Variants in EPC2 observed in about 807,000 individuals in gnomAD.
EPC2 encodes the protein enhancer of polycomb 2.
A neutral mutation model predicts 92.1 loss-of-function variants in EPC2; 14 were observed. The observed-to-expected ratio is 0.15, with a 90% CI of 0.10 to 0.24. The LOEUF is 0.24. Among genes scored for constraint, EPC2 ranks in the 10% least tolerant of loss-of-function variants. The pLI is 1.00. For missense variants in EPC2, 755 were observed against 971.5 expected, an observed-to-expected ratio of 0.78 and a Z score of 2.96; for synonymous variants, 340 against 334.7, an observed-to-expected ratio of 1.02 and a Z score of -0.17.
chr2:148,657,771 G>A (rs928654741), intron 1 of EPC2, among the ~76,000 whole-genome samples: 1 of 152,116 alleles, frequency 6.6e-6, no homozygotes, highest in Non-Finnish European at 1.5e-5. Context: ...GGATTGGCGT[G>A]TGTGCCCATG....
chr2:148,718,073 G>A (rs141147184), intron 2 of EPC2, among the ~76,000 whole-genome samples: 124 of 152,122 alleles, frequency 8.2e-4, no homozygotes, highest in Non-Finnish European at 1.4e-3. Flanking sequence ...CCCCTGCTTC[G>A]TTCTGTTTCC....
intron 2 of EPC2, among the ~76,000 whole-genome samples, chr2:148,734,367 CT>C (rs375191684): frequency 2.9e-4 from 43 of 148,152 alleles, no homozygotes; most frequent in African/African-American, 5.2e-4. Context: ...GAAATAAGTA[CT>C]TTTTTTTTTG....
At chr2:148,784,403 T>C in intron 12 of EPC2, among the ~76,000 whole-genome samples, 1 of 152,226 alleles carries the variant, frequency 6.6e-6, no homozygotes, top group East Asian at 1.9e-4. Context: ...CTGTTATACT[T>C]AACTCCACAG....
In EPC2 at chr2:148,700,974, T is replaced by A. The variant is rs1681874455; in HGVS notation, c.313+10601T>A. On this transcript the variant is annotated intron_variant, in intron 2 of 13. Transcript: ENST00000258484. The stretch of plus-strand genomic sequence containing the variant: ...ACTTTTGCGATTTTCCTCATATAGA[T>A]CCTCTGCATGTTTTGTTAGATTGAT... Among the ~76,000 whole-genome samples, 4 of 152,190 alleles carry A rather than the reference T, an allele frequency of 2.6e-5. No individual in the cohort carries two copies. The South Asian group carries it at 8.3e-4, about 31-fold the overall frequency.
At chr2:148,700,645 G>C (rs1042112087) in intron 2 of EPC2, among the ~76,000 whole-genome samples, 2 of 150,364 alleles carry the variant, frequency 1.3e-5, no homozygotes, top group South Asian at 2.1e-4. Flanking sequence ...AATAGCTTCA[G>C]AGTAAGTCTT....
At chr2:148,673,902 T>A (rs552459134) in intron 1 of EPC2, among the ~76,000 whole-genome samples, 1 of 152,336 alleles carries the variant, frequency 6.6e-6, no homozygotes, top group African/African-American at 2.4e-5. Context: ...TTTTATTTAC[T>A]TGTCTATCAT....
chr2:148,689,829 A>G (rs1191775620), intron 1 of EPC2, among the ~76,000 whole-genome samples: 5 of 152,238 alleles, frequency 3.3e-5, no homozygotes, highest in African/African-American at 4.8e-5. Flanking sequence ...AATGCAGAAG[A>G]TACTTAAAAT....
intron 4 of EPC2, among the ~76,000 whole-genome samples, chr2:148,759,037 C>T (rs1186814221): frequency 6.6e-6 from 1 of 152,058 alleles, no homozygotes; most frequent in African/African-American, 2.4e-5. Context: ...ACATGACAAC[C>T]AAATGTGGTT....
chr2:148,721,895 T>TTC (rs1682386682), intron 2 of EPC2, among the ~76,000 whole-genome samples: 1 of 144,876 alleles, frequency 6.9e-6, no homozygotes, highest in African/African-American at 2.5e-5. Flanking sequence ...GATTTCTTTT[T>TTC]TTTTTTTTTT....
intron 10 of EPC2, 133 bp from the exon 11 acceptor site, chr2:148,781,511 T>C: frequency 1.2e-6 from 1 of 840,982 alleles, no homozygotes; most frequent in Middle Eastern, 2.4e-4. Context: ...CATTAGATTA[T>C]TTTCTGATAT....
intron 1 of EPC2, among the ~76,000 whole-genome samples, chr2:148,665,644 T>C (rs1002499425): frequency 2.0e-5 from 3 of 152,202 alleles, no homozygotes; most frequent in African/African-American, 7.2e-5. Flanking sequence ...ATTATGATGT[T>C]TAGGATAACA....
chr2:148,670,498 C>G (rs961094169), intron 1 of EPC2, among the ~76,000 whole-genome samples: 1 of 152,102 alleles, frequency 6.6e-6, no homozygotes, highest in Non-Finnish European at 1.5e-5. Flanking sequence ...CAAAAGAAAC[C>G]TCTTACCCGT....
At chr2:148,700,559 A>C (rs1350170753) in intron 2 of EPC2, among the ~76,000 whole-genome samples, 1 of 124,696 alleles carries the variant, frequency 8.0e-6, no homozygotes. Context: ...ATTTGTATGG[A>C]TCTGTATCTG....
At chr2:148,657,544 T>TGC (rs1680827918) in intron 1 of EPC2, among the ~76,000 whole-genome samples, 1 of 152,058 alleles carries the variant, frequency 6.6e-6, no homozygotes, top group Non-Finnish European at 1.5e-5. Context: ...TTTTAAGAAG[T>TGC]TCCCAGGTGA....
chr2:148,663,194 G>GTATTATCAT (rs1680976077), intron 1 of EPC2, among the ~76,000 whole-genome samples: 1 of 136,350 alleles, frequency 7.3e-6, no homozygotes, highest in Non-Finnish European at 1.6e-5. Context: ...CTGTGTTTTT[G>GTATTATCAT]TATTATTATT....
In EPC2 at chr2:148,753,988, T is replaced by C; in HGVS notation, c.521T>C (p.Val174Ala). 1 of 1,612,374 alleles carries C rather than the reference T, an allele frequency of 6.2e-7. No homozygotes were observed. Among genetic ancestry groups the C allele is most frequent in the Non-Finnish European group, 8.5e-7 (1 of 1,179,220 alleles). ...GAAGATGATTACCTTATTAAAGCTG[T>C]ATATGACTACTGGGTGAGAAAACGT... is the stretch of plus-strand genomic sequence containing the variant. Reference protein sequence around the residue: ...LNEDDYLIKAVYDYWVRKRKN... With the variant: ...LNEDDYLIKAAYDYWVRKRKN... Residue 174 changes from valine (V) to alanine (A), a missense_variant, in exon 4 of 14, where the codon GTA (valine) becomes GCA (alanine). By Grantham distance (64) the Val-to-Ala change is moderately conservative (BLOSUM62 0). Transcript: ENST00000258484.
intron 1 of EPC2, among the ~76,000 whole-genome samples, chr2:148,676,287 C>T (rs1022583131): frequency 6.6e-6 from 1 of 150,942 alleles, no homozygotes; most frequent in African/African-American, 2.4e-5. Flanking sequence ...GTCAAAGTAG[C>T]TATAAGAAGT....
At chr2:148,745,480 A>G (rs1437186577) in intron 3 of EPC2, among the ~76,000 whole-genome samples, 1 of 152,146 alleles carries the variant, frequency 6.6e-6, no homozygotes, top group East Asian at 1.9e-4. Flanking sequence ...AATTGGAGAC[A>G]GGATAAACAA....
chr2:148,756,125 G>T (rs1446406658), intron 4 of EPC2, among the ~76,000 whole-genome samples: 2 of 152,164 alleles, frequency 1.3e-5, no homozygotes, highest in African/African-American at 4.8e-5. Context: ...GCTAGTAACT[G>T]ATTCTTGTGT....
Sources: allele counts gnomAD v4.1 joint callset (sites outside exome capture counted in the v4.1 genomes callset), GRCh38; gene constraint gnomAD v4.1.1; transcripts MANE v1.5; gene names NCBI Gene and HGNC (gene_info 2026-07-23, HGNC 2026-07-21).